Variants in FHIP2B observed in about 807,000 individuals in gnomAD.
FHIP2B encodes the protein FHF complex subunit HOOK interacting protein 2B.
Under a neutral mutation model 84.0 loss-of-function variants are expected in FHIP2B, and 72 were observed. The ratio of observed to expected loss-of-function variants is 0.86; its 90% CI spans 0.71 to 1.04. The LOEUF (loss-of-function observed/expected upper bound fraction) is 1.04, where lower values mean the gene tolerates loss of function less well. Ranked by LOEUF, FHIP2B falls within the 50% of genes least tolerant of loss-of-function variation. The probability of loss-of-function intolerance (pLI) is 0.00; values close to 1 mark genes in which losing one functional copy is unlikely to be tolerated. For synonymous variants in FHIP2B, 497 were observed against 418.7 expected, an observed-to-expected ratio of 1.19 and a Z score of -2.28; for missense variants, 972 against 968.9, an observed-to-expected ratio of 1.00 and a Z score of -0.04.
chr8:22,089,939 C>A, intron 1 of FHIP2B: 2 of 910,778 alleles, frequency 2.2e-6, no homozygotes, highest in Non-Finnish European at 1.5e-6. Flanking sequence ...TGGCTGTGAC[C>A]CCTCACAAGC....
At chr8:22,100,794 C>G in intron 11 of FHIP2B, 50 bp from the exon 12 acceptor site, 3 of 1,612,716 alleles carry the variant, frequency 1.9e-6, no homozygotes, top group Non-Finnish European at 2.5e-6. Context: ...CTCGCACGCT[C>G]ACTCTGTCCA....
intron 10 of FHIP2B, 78 bp from the exon 11 acceptor site, chr8:22,100,516 T>C (rs1586341341): frequency 4.2e-6 from 6 of 1,417,962 alleles, no homozygotes; most frequent in South Asian, 3.3e-5. Context: ...TCTTTTCTTA[T>C]CTGGGTTAGC....
chr8:22,101,742 G>T lies in FHIP2B; in HGVS notation c.1742G>T (p.Gly581Val). The change falls in exon 14 of 17, where the codon GGC becomes GTC. Residue 581 changes from glycine to valine, a missense_variant. Gly to Val is a moderately radical substitution (Grantham distance 109). Transcript: ENST00000289921. Reference protein sequence around the residue: ...QECSSRVASWGWPLTPTPLDP... With the variant: ...QECSSRVASWVWPLTPTPLDP... Reference sequence around the variant, plus strand: ...TGCAGCTCCCGCGTCGCCTCCTGGGGCTGGCCTCTGACCCCCACACCTTTG... The same window carrying T: ...TGCAGCTCCCGCGTCGCCTCCTGGGTCTGGCCTCTGACCCCCACACCTTTG... 1 of 1,613,090 alleles carries T rather than the reference G, an allele frequency of 6.2e-7. No individual in the cohort carries two copies. Among genetic ancestry groups the T allele is most frequent in the Non-Finnish European group, 8.5e-7 (1 of 1,179,624 alleles).
chr8:22,097,901 G>T, intron 5 of FHIP2B, 62 bp downstream of exon 5: 1 of 1,590,986 alleles, frequency 6.3e-7, no homozygotes, highest in Admixed American at 1.7e-5. Flanking sequence ...AGCCCCCTCT[G>T]CCCTCCTGAG....
intron 1 of FHIP2B, among the ~76,000 whole-genome samples, chr8:22,093,453 G>T (rs891003990): frequency 1.3e-5 from 2 of 152,162 alleles, no homozygotes; most frequent in Admixed American, 6.5e-5. Context: ...GGCTTGCCCA[G>T]AGCAGAACCA....
intron 1 of FHIP2B, among the ~76,000 whole-genome samples, chr8:22,092,553 G>A (rs191684553): frequency 0.012 from 1,679 of 140,712 alleles, 7 homozygotes; most frequent in Non-Finnish European, 0.013. Flanking sequence ...TAGCCTCAGT[G>A]ACGGTGAGAC....
At chr8:22,094,946 A>T (rs774827854) in intron 2 of FHIP2B, 112 of 1,012,398 alleles carry the variant, frequency 1.1e-4, no homozygotes, top group Non-Finnish European at 1.3e-4. Context: ...CCTTGTAGAG[A>T]TCTGGGGTAG....
At position 22,098,952 on chromosome 8, in the gene FHIP2B, C is replaced by T; in HGVS notation, c.970C>T (p.Pro324Ser). ...TTCACTCCCCTCTTCCTTCAGGTTA[C>T]CCAGTGCCCCGTCTGATGAGGCTTC... ...ATLEGISWRL[P>S]SAPSDEASFP... Residue 324 changes from proline (P) to serine (S), a missense_variant, in exon 8 of 17, where the codon CCC becomes TCC. Transcript: ENST00000289921. The T allele has an allele frequency of 6.2e-7, 1 of 1,602,396 alleles. No individual in the cohort carries two copies. Among genetic ancestry groups the T allele is most frequent in the Non-Finnish European group, 8.5e-7 (1 of 1,173,818 alleles).
rs529316260 is a variant in FHIP2B, at chr8:22,104,442, C to T, written c.*1511C>T. ...TCTGCCCAGGACTCCACTGCTAATT[C>T]GGGCCCATCTTCCTCCCCAAGGAAG... On this transcript the variant is annotated 3_prime_UTR_variant, in exon 17 of 17. Transcript: ENST00000289921. 2.0e-5 allele frequency: 3 copies of T among 152,554 alleles called. No individual in the cohort carries two copies. The highest frequency in any genetic ancestry group is 2.9e-5 in the Non-Finnish European group (2 of 68,046). 9.5% of individuals were successfully genotyped at this position (152,554 alleles called of 1,614,324 possible).
In FHIP2B at chr8:22,098,328, G is replaced by A; in HGVS notation, c.768+18G>A. The A allele has an allele frequency of 6.5e-7, 1 of 1,542,098 alleles. No individual in the cohort carries two copies. The highest frequency in any genetic ancestry group is 8.7e-7 in the Non-Finnish European group (1 of 1,142,978). On this transcript the variant is annotated intron_variant, in intron 6 of 16. Transcript: ENST00000289921. ...AGAGCAAGGTGCTGGCAGCAGAGAT[G>A]GAGAGGTTGGGGGTGGGGGAAGGGT...
At position 22,103,923 on chromosome 8, in the gene FHIP2B, C is replaced by T. The variant is rs1179331197; in HGVS notation, c.*992C>T. The T allele has an allele frequency of 2.6e-5, 4 of 152,682 alleles. No individual in the cohort carries two copies. The highest frequency in any genetic ancestry group is 2.0e-4 in the Admixed American group (3 of 15,290). 9.5% of individuals were successfully genotyped at this position (152,682 alleles called of 1,614,324 possible). A position where few individuals can be genotyped will look rare whatever the true frequency, so the allele number is the denominator to read the frequency against. On this transcript the variant is annotated 3_prime_UTR_variant, in exon 17 of 17. Transcript: ENST00000289921. Reference sequence around the variant, plus strand: ...GGCTGGGCTGCCACCCCACCCGGCCCGAATCTGTCTTGACCTGCAGGAATA... The same window carrying T: ...GGCTGGGCTGCCACCCCACCCGGCCTGAATCTGTCTTGACCTGCAGGAATA...
chr8:22,104,831 T>TAAAAAAAAAAGAAAAAAA lies in FHIP2B; in HGVS notation c.*1910_*1911insGAAAAAAAAAAAAAAAAA, dbSNP rs1826304063. ...CTGGGCAATAGAGTAAGACCCTGTC[T>TAAAAAAAAAAGAAAAAAA]AAAAAAAAAAAAAAAAAATTTCACA... On this transcript the variant is annotated 3_prime_UTR_variant, in exon 17 of 17. Transcript: ENST00000289921. The TAAAAAAAAAAGAAAAAAA allele has an allele frequency of 7.9e-6, 1 of 126,520 alleles. No homozygotes were observed. Among genetic ancestry groups the TAAAAAAAAAAGAAAAAAA allele is most frequent in the African/African-American group, 3.1e-5 (1 of 31,938 alleles). The allele number at this position is 126,520 out of a possible 1,614,324, so 7.8% of individuals were successfully genotyped here.
intron 7 of FHIP2B, 48 bp from the exon 8 acceptor site, chr8:22,098,900 T>TGAAGCTC (rs1193310994): frequency 6.8e-7 from 1 of 1,478,888 alleles, no homozygotes; most frequent in South Asian, 1.2e-5. Flanking sequence ...AGGAAGACCT[T>TGAAGCTC]GAAGCTCCTT....
At chr8:22,094,959 G>A in intron 2 of FHIP2B, 6 of 977,216 alleles carry the variant, frequency 6.1e-6, no homozygotes, top group Non-Finnish European at 7.4e-6. Flanking sequence ...TGGGGTAGGA[G>A]GAGAACGAAA....
intron 15 of FHIP2B, 104 bp from the exon 16 acceptor site, chr8:22,102,424 T>C: frequency 6.6e-7 from 1 of 1,519,874 alleles, no homozygotes; most frequent in Non-Finnish European, 8.9e-7. Flanking sequence ...CCCTTGCCAG[T>C]GCCAGGGAAA....
chr8:22,094,417 G>C, intron 1 of FHIP2B, 23 bp from the exon 2 acceptor site: 6 of 1,584,250 alleles, frequency 3.8e-6, no homozygotes, highest in Non-Finnish European at 5.1e-6. Flanking sequence ...CCCCCACTGA[G>C]GTTGTGTGTC....
chr8:22,097,682 CT>C (rs745963127), intron 4 of FHIP2B, 34 bp from the exon 5 acceptor site: 2 of 1,609,982 alleles, frequency 1.2e-6, no homozygotes, highest in Non-Finnish European at 1.7e-6. Flanking sequence ...CCTGCCACCC[CT>C]CTCCCCTCTG....
At position 22,094,381 on chromosome 8, in the gene FHIP2B, G is replaced by A. The variant is rs925247432; in HGVS notation, c.46-59G>A. Reference sequence around the variant, plus strand: ...ACACTCAGAATATCTGTTCCCATGCGGGCAGGGGCTCCCTGGCCTTTGTGG... The same window carrying A: ...ACACTCAGAATATCTGTTCCCATGCAGGCAGGGGCTCCCTGGCCTTTGTGG... On this transcript the variant is annotated intron_variant, in intron 1 of 16. Coordinates refer to ENST00000289921, the MANE Select transcript of FHIP2B (RefSeq NM_022749.7). The A allele has an allele frequency of 2.6e-5, 40 of 1,511,630 alleles. No individual in the cohort carries two copies. The African/African-American group carries it at 3.8e-4, about 15-fold the overall frequency. The allele number at this position is 1,511,630 out of a possible 1,614,324, so 93.6% of individuals were successfully genotyped here. A position where few individuals can be genotyped will look rare whatever the true frequency, so the allele number is the denominator to read the frequency against.
At position 22,103,184 on chromosome 8, in the gene FHIP2B, A is replaced by G; in HGVS notation, c.*253A>G. 1.9e-6 allele frequency: 1 copy of G among 539,858 alleles called. No individual in the cohort carries two copies. Among genetic ancestry groups the G allele is most frequent in the Non-Finnish European group, 3.3e-6 (1 of 301,006 alleles). The allele number at this position is 539,858 out of a possible 1,614,324, so 33.4% of individuals were successfully genotyped here. On this transcript the variant is annotated 3_prime_UTR_variant, in exon 17 of 17. Coordinates refer to ENST00000289921, the MANE Select transcript of FHIP2B (RefSeq NM_022749.7). ...TCTTGGAGGAGCTTGGGTGACAGCCAGGTGAGCACCCAGACCCCAGACCCT... is the reference window on the plus strand; with the variant it reads ...TCTTGGAGGAGCTTGGGTGACAGCCGGGTGAGCACCCAGACCCCAGACCCT...
Sources: gnomAD v4.1 joint callset for allele counts (sites outside exome capture counted in the v4.1 genomes callset) on GRCh38, gnomAD v4.1.1 for gene constraint, MANE v1.5 for transcripts, NCBI Gene and HGNC (gene_info 2026-07-23, HGNC 2026-07-21) for gene names.